TECRL: variants seen among roughly 807,000 people sequenced by gnomAD.
The protein encoded by TECRL is trans-2,3-enoyl-CoA reductase-like.
Under a neutral mutation model 52.8 loss-of-function variants are expected in TECRL, and 63 were observed. The ratio of observed to expected loss-of-function variants is 1.19; its 90% CI spans 0.97 to 1.47. The LOEUF (loss-of-function observed/expected upper bound fraction) is 1.47. Ranked by LOEUF, TECRL falls within the 40% of genes most tolerant of loss-of-function variation. The pLI, the probability that TECRL is intolerant of heterozygous loss-of-function variation, is 0.00. For synonymous variants in TECRL, 164 were observed against 141.9 expected (o/e 1.16, Z -1.10); for missense variants, 482 against 429.6 (o/e 1.12, Z -1.08).
intron 1 of TECRL, among the ~76,000 whole-genome samples, chr4:64,395,876 C>A (rs903994590): frequency 8.5e-5 from 13 of 152,064 alleles, no homozygotes; most frequent in Non-Finnish European, 1.9e-4. Flanking sequence ...TTTTATGTGT[C>A]CATATGTAAT....
intron 2 of TECRL, among the ~76,000 whole-genome samples, chr4:64,361,447 T>G (rs2109616169): frequency 6.6e-6 from 1 of 152,242 alleles, no homozygotes; most frequent in East Asian, 1.9e-4. Flanking sequence ...GAAAAATTTT[T>G]CATGCAGCCC....
Position 64,285,721 on chromosome 4 carries a change from T to G in TECRL, c.832+3989A>C, listed in dbSNP as rs551236038. On this transcript the variant is annotated intron_variant, in intron 9 of 11. Transcript: ENST00000381210. ...GGACTTTATAGATCAGAACCCTGAA[T>G]AGGGAGAAATTGAATACAATTATCT... Among the ~76,000 whole-genome samples the G allele has an allele frequency of 2.9e-3, 445 of 152,208 alleles. 1 individual carries two copies. Among genetic ancestry groups the G allele is most frequent in the Middle Eastern group, 0.017 (5 of 294 alleles).
At chr4:64,331,925 A>T (rs1195274804) in intron 2 of TECRL, among the ~76,000 whole-genome samples, 1 of 152,180 alleles carries the variant, frequency 6.6e-6, no homozygotes, top group African/African-American at 2.4e-5. Context: ...AAGCAAAAAA[A>T]GTCCATTAAT....
chr4:64,319,833 A>G (rs556513122), intron 4 of TECRL, among the ~76,000 whole-genome samples: 14 of 152,064 alleles, frequency 9.2e-5, no homozygotes, highest in Admixed American at 8.5e-4. Flanking sequence ...ATGCTTACAG[A>G]AAAATTAACA....
intron 1 of TECRL, among the ~76,000 whole-genome samples, chr4:64,377,331 A>G (rs1722474555): frequency 6.6e-6 from 1 of 152,024 alleles, no homozygotes; most frequent in Admixed American, 6.6e-5. Context: ...CTTTAGTTGT[A>G]CTGAAAGCAC....
At chr4:64,362,393 C>T (rs891064858) in intron 2 of TECRL, among the ~76,000 whole-genome samples, 1 of 151,870 alleles carries the variant, frequency 6.6e-6, no homozygotes, top group Non-Finnish European at 1.5e-5. Flanking sequence ...CCAAGACTTA[C>T]AGTCATCAGA....
Position 64,409,112 on chromosome 4 carries a change from A to T in TECRL, c.234+6T>A, listed in dbSNP as rs757862864. 2.5e-6 allele frequency: 4 copies of T among 1,586,370 alleles called. No individual in the cohort carries two copies. The highest frequency in any genetic ancestry group is 2.6e-6 in the Non-Finnish European group (3 of 1,165,730). On this transcript the variant is annotated splice_donor_region_variant and intron_variant, in intron 1 of 11. Coordinates refer to ENST00000381210, the MANE Select transcript of TECRL (RefSeq NM_001010874.5). ...AACAAACAAATAAATAAATAAATAA[A>T]CTCACCTTATCCAGAATACATATCT...
chr4:64,309,032 C>T (rs1027475742), intron 6 of TECRL, among the ~76,000 whole-genome samples: 3 of 151,916 alleles, frequency 2.0e-5, no homozygotes, highest in Admixed American at 6.6e-5. Flanking sequence ...GGAAATGGCT[C>T]GGATTTAGGA....
intron 1 of TECRL, among the ~76,000 whole-genome samples, chr4:64,386,942 C>T (rs889624809): frequency 6.6e-6 from 1 of 152,076 alleles, no homozygotes; most frequent in East Asian, 1.9e-4. Context: ...ATCATAATCC[C>T]CACAGTCCAC....
At chr4:64,296,857 C>A (rs1043386085) in intron 8 of TECRL, among the ~76,000 whole-genome samples, 6 of 151,658 alleles carry the variant, frequency 4.0e-5, no homozygotes, top group Admixed American at 1.3e-4. Flanking sequence ...AAGATTGCAT[C>A]TAAAATTTGT....
At chr4:64,287,871 G>A (rs1348071793) in intron 9 of TECRL, among the ~76,000 whole-genome samples, 1 of 152,178 alleles carries the variant, frequency 6.6e-6, no homozygotes, top group Non-Finnish European at 1.5e-5. Context: ...CATGGGCCAG[G>A]CACGGTGGCT....
chr4:64,296,820 T>G (rs1723713202), intron 8 of TECRL, among the ~76,000 whole-genome samples: 2 of 151,668 alleles, frequency 1.3e-5, no homozygotes, highest in African/African-American at 2.4e-5. Flanking sequence ...ATTATAAAAT[T>G]TATTCACAAT....
intron 2 of TECRL, among the ~76,000 whole-genome samples, chr4:64,346,393 C>T (rs1337228956): frequency 1.3e-5 from 2 of 152,202 alleles, no homozygotes; most frequent in Non-Finnish European, 2.9e-5. Context: ...GAGCTCTGCT[C>T]CTACAGCCGA....
chr4:64,292,612 TA>T (rs1167917309), intron 8 of TECRL, among the ~76,000 whole-genome samples: 1 of 152,008 alleles, frequency 6.6e-6, no homozygotes, highest in East Asian at 1.9e-4. Context: ...AAATTTTTAA[TA>T]ATTGTACTTT....
intron 2 of TECRL, among the ~76,000 whole-genome samples, chr4:64,338,169 C>A (rs556827912): frequency 6.6e-6 from 1 of 152,166 alleles, no homozygotes; most frequent in Non-Finnish European, 1.5e-5. Flanking sequence ...CTGACAAAAA[C>A]AAGAAATAGG....
intron 7 of TECRL, chr4:64,304,928 T>C (rs1366514793): frequency 1.3e-5 from 4 of 308,118 alleles, no homozygotes; most frequent in African/African-American, 6.4e-5. Flanking sequence ...TTAGCTGTTT[T>C]TTTGGAGGTT....
chr4:64,347,928 T>A (rs1221393638), intron 2 of TECRL, among the ~76,000 whole-genome samples: 10 of 152,156 alleles, frequency 6.6e-5, no homozygotes, highest in Non-Finnish European at 1.5e-4. Flanking sequence ...CGACAACCAG[T>A]CAGCAAGTCT....
chr4:64,380,396 A>C (rs576153127), intron 1 of TECRL, among the ~76,000 whole-genome samples: 2 of 152,130 alleles, frequency 1.3e-5, no homozygotes, highest in Non-Finnish European at 2.9e-5. Context: ...GTTATGCAGA[A>C]GCTGATTATT....
intron 2 of TECRL, among the ~76,000 whole-genome samples, chr4:64,333,545 A>T (rs1326615451): frequency 2.0e-5 from 3 of 152,252 alleles, no homozygotes; most frequent in Admixed American, 2.0e-4. Flanking sequence ...CAATGTGATT[A>T]TAATACTACT....
Sources: gnomAD v4.1 joint callset for allele counts (sites outside exome capture counted in the v4.1 genomes callset) on GRCh38, gnomAD v4.1.1 for gene constraint, MANE v1.5 for transcripts, NCBI Gene and HGNC (gene_info 2026-07-23, HGNC 2026-07-21) for gene names.